Variants in BMP1 observed in about 807,000 individuals in gnomAD.
The protein encoded by BMP1 is mammalian tolloid protein.
Under a neutral mutation model 116.8 loss-of-function variants are expected in BMP1, and 63 were observed. The ratio of observed to expected loss-of-function variants is 0.54; its 90% confidence interval spans 0.44 to 0.67. The LOEUF (loss-of-function observed/expected upper bound fraction) is 0.67. Ranked by LOEUF, BMP1 falls within the 30% of genes least tolerant of loss-of-function variation. The pLI is 0.00. For missense variants in BMP1, 1,183 were observed against 1,358.9 expected (o/e 0.87, Z 2.04); for synonymous variants, 536 against 533.4 (o/e 1.00, Z -0.07).
At chr8:22,192,689 G>T (rs1828969383) in intron 9 of BMP1, among the ~76,000 whole-genome samples, 1 of 152,232 alleles carries the variant, frequency 6.6e-6, no homozygotes, top group African/African-American at 2.4e-5. Context: ...TCCCGAGGAG[G>T]GTAGGGGGCA....
At chr8:22,192,644 G>A (rs547441084) in intron 9 of BMP1, among the ~76,000 whole-genome samples, 42 of 152,300 alleles carry the variant, frequency 2.8e-4, no homozygotes, top group Admixed American at 4.6e-4. Context: ...CACACTGGGC[G>A]CCGTGGCCCG....
chr8:22,166,371 C>T (rs1457682212), intron 1 of BMP1, among the ~76,000 whole-genome samples: 2 of 150,726 alleles, frequency 1.3e-5, no homozygotes, highest in Non-Finnish European at 3.0e-5. Context: ...TGTGTGTTTG[C>T]CTGTATGTGT....
intron 4 of BMP1, 155 bp from the exon 5 acceptor site, chr8:22,176,806 G>A (rs1439661940): frequency 3.0e-6 from 3 of 992,780 alleles, no homozygotes; most frequent in African/African-American, 1.6e-5. Flanking sequence ...CTGTGCGGCT[G>A]TGACCTCCAG....
At position 22,177,939 on chromosome 8, in the gene BMP1, C is replaced by T. The variant is rs2131851596; in HGVS notation, c.818C>T (p.Ala273Val). 6.2e-7 allele frequency: 1 copy of T among 1,611,978 alleles called. No homozygotes were observed. The highest frequency in any genetic ancestry group is 1.7e-4 in the Middle Eastern group (1 of 6,046). Residue 273 changes from alanine (A) to valine (V), a missense_variant, in exon 6 of 20, where the codon GCT (alanine) becomes GTT (valine). By Grantham distance (64) the Ala-to-Val change is moderately conservative. This residue lies in a region of BMP1 where 956 missense variants were observed against 1,135.2 expected (regional missense o/e 0.84). Coordinates refer to ENST00000306385, the MANE Select transcript of BMP1 (RefSeq NM_006129.5). ...TYDFDSIMHY[A>V]RNTFSRGIFL... ...GACTTCGACAGCATCATGCATTACG[C>T]TCGGAACACATTCTCCAGGTGGGAG...
At chr8:22,195,618 T>C in intron 13 of BMP1, 31 bp downstream of exon 13, 1 of 1,585,442 alleles carries the variant, frequency 6.3e-7, no homozygotes, top group Non-Finnish European at 8.5e-7. Flanking sequence ...TCTGACCCTG[T>C]TCTTTCCCTG....
In BMP1 at chr8:22,176,328, G is replaced by A. The variant is rs1375851128; in HGVS notation, c.433+15G>A. 3.2e-6 allele frequency: 5 copies of A among 1,581,656 alleles called. No homozygotes were observed. Among genetic ancestry groups the A allele is most frequent in the Admixed American group, 3.5e-5 (2 of 57,450 alleles). ...AAACTTCACTGGTGAGCGTGCTATT[G>A]TGGGTCCCAGAGTGTAACCAGCTTC... On this transcript the variant is annotated intron_variant, in intron 3 of 19. Transcript: ENST00000306385.
At chr8:22,207,035 C>A in intron 17 of BMP1, 54 bp downstream of exon 17, 1 of 1,600,980 alleles carries the variant, frequency 6.2e-7, no homozygotes, top group Non-Finnish European at 8.5e-7. Flanking sequence ...CGGTCAGAGG[C>A]ACTGCCCAGA....
chr8:22,166,744 A>G (rs1828125143), intron 1 of BMP1, among the ~76,000 whole-genome samples: 1 of 152,166 alleles, frequency 6.6e-6, no homozygotes, highest in Non-Finnish European at 1.5e-5. Flanking sequence ...ATAAGAGACC[A>G]TCCAATGGAG....
chr8:22,197,230 T>C lies in BMP1; in HGVS notation c.1927-10T>C, dbSNP rs776966729. 1.4e-5 allele frequency: 22 copies of C among 1,602,942 alleles called. No individual in the cohort carries two copies. The highest frequency in any genetic ancestry group is 1.7e-5 in the Non-Finnish European group (20 of 1,170,888). ...GGAGGAGGCGGGCCTGGAGCTGGGC[T>C]TCCCTGCAGGTGTGCAAGTACGACT... is the stretch of plus-strand genomic sequence containing the variant. On this transcript the variant is annotated splice_polypyrimidine_tract_variant and intron_variant, in intron 14 of 19. Coordinates refer to ENST00000306385, the MANE Select transcript of BMP1 (RefSeq NM_006129.5).
rs1272761047 is a variant in BMP1 at position 22,206,851 on chromosome 8, C to T, written c.2234-3C>T. On this transcript the variant is annotated splice_region_variant and splice_polypyrimidine_tract_variant and intron_variant, in intron 16 of 19. Transcript: ENST00000306385. ...TCCCCTTCCGTCACTCGCTTCCCTGCAGCCGGCTGTGACCACAAGGTGACA... is the reference window on the plus strand; with the variant it reads ...TCCCCTTCCGTCACTCGCTTCCCTGTAGCCGGCTGTGACCACAAGGTGACA... 6.2e-7 allele frequency: 1 copy of T among 1,614,146 alleles called. No individual in the cohort carries two copies. The highest frequency in any genetic ancestry group is 8.5e-7 in the Non-Finnish European group (1 of 1,180,008).
rs532142310 is a variant in BMP1, at chr8:22,175,745, G to A, written c.263-398G>A. Among the ~76,000 whole-genome samples, 34 of 152,182 alleles carry A rather than the reference G, an allele frequency of 2.2e-4. No individual in the cohort carries two copies. The South Asian group carries it at 6.9e-3, about 31-fold the overall frequency. On this transcript the variant is annotated intron_variant, in intron 2 of 19. Coordinates refer to ENST00000306385, the MANE Select transcript of BMP1 (RefSeq NM_006129.5). ...GCATATCACAGCCTTCTTGCCCTTG[G>A]GAACACCAGAGAGCACTTCAGCATT...
chr8:22,183,622 A>ATTATTG (rs1554482084), intron 8 of BMP1, among the ~76,000 whole-genome samples: 1 of 150,236 alleles, frequency 6.7e-6, no homozygotes, highest in African/African-American at 2.5e-5. Flanking sequence ...TATTATTATT[A>ATTATTG]TTGAGACGTG....
At chr8:22,186,279 A>G (rs1828768793) in intron 8 of BMP1, among the ~76,000 whole-genome samples, 1 of 152,140 alleles carries the variant, frequency 6.6e-6, no homozygotes, top group Non-Finnish European at 1.5e-5. Context: ...ATGAAAATGG[A>G]CACTTGTCCT....
chr8:22,187,651 C>T (rs1828814975), intron 8 of BMP1, among the ~76,000 whole-genome samples: 1 of 151,772 alleles, frequency 6.6e-6, no homozygotes, highest in Non-Finnish European at 1.5e-5. Context: ...GCCCGGCCCC[C>T]AGCCCCTAAT....
Position 22,177,941 on chromosome 8 carries a change from C to T in BMP1, c.820C>T (p.Arg274Trp), listed in dbSNP as rs754789208. 3.7e-6 allele frequency: 6 copies of T among 1,611,604 alleles called. No individual in the cohort carries two copies. Among genetic ancestry groups the T allele is most frequent in the Non-Finnish European group, 5.1e-6 (6 of 1,178,106 alleles). Residue 274 changes from arginine to tryptophan, a missense_variant, in exon 6 of 20, where the codon CGG becomes TGG. Coordinates refer to ENST00000306385, the MANE Select transcript of BMP1 (RefSeq NM_006129.5). ...CTTCGACAGCATCATGCATTACGCT[C>T]GGAACACATTCTCCAGGTGGGAGAC... ...YDFDSIMHYA[R>W]NTFSRGIFLD...
At chr8:22,165,882 CGT>C (rs149003237) in intron 1 of BMP1, among the ~76,000 whole-genome samples, 4,128 of 131,346 alleles carry the variant, frequency 0.031, 96 homozygotes, top group African/African-American at 0.074. Context: ...CCTGTGCGTG[CGT>C]GTGTGTGTGT....
chr8:22,204,490 A>T (rs1829317131), intron 16 of BMP1, among the ~76,000 whole-genome samples: 1 of 152,158 alleles, frequency 6.6e-6, no homozygotes, highest in Non-Finnish European at 1.5e-5. Context: ...TGGGAAGCTG[A>T]TGGGGGCAGA....
chr8:22,205,283 T>G (rs1829331659), intron 16 of BMP1, among the ~76,000 whole-genome samples: 3 of 151,940 alleles, frequency 2.0e-5, no homozygotes, highest in African/African-American at 7.3e-5. Context: ...CCAAAGAGTA[T>G]CAAGTGGTCT....
chr8:22,193,112 C>A (rs540903234), intron 9 of BMP1, among the ~76,000 whole-genome samples: 1 of 152,344 alleles, frequency 6.6e-6, no homozygotes, highest in South Asian at 2.1e-4. Flanking sequence ...TGTTGGGAAA[C>A]ACCGGCCTTA....
Sources: allele counts gnomAD v4.1 joint callset (sites outside exome capture counted in the v4.1 genomes callset), GRCh38; gene constraint gnomAD v4.1.1; regional missense constraint gnomAD v4.1.1; transcripts MANE v1.5; gene names NCBI Gene and HGNC (gene_info 2026-07-23, HGNC 2026-07-21).